Variants in MAF observed in about 807,000 individuals in gnomAD.
MAF encodes MAF bZIP transcription factor.
Under a neutral mutation model 22.0 loss-of-function variants are expected in MAF, and 10 were observed. That is an observed-to-expected ratio of 0.45 (90% CI 0.28 to 0.77). The LOEUF (loss-of-function observed/expected upper bound fraction) is 0.77, where lower values mean the gene tolerates loss of function less well. MAF is among the 30% of genes least tolerant of loss of function. The pLI is 0.12. For synonymous variants in MAF, 337 were observed against 255.8 expected, an observed-to-expected ratio of 1.32 and a Z score of -3.03; for missense variants, 544 against 548.4, an observed-to-expected ratio of 0.99 and a Z score of 0.08.
the MAF span, chr16:79,211,584 T>G: frequency 6.2e-7 from 1 of 1,614,092 alleles, no homozygotes; most frequent in African/African-American, 1.3e-5. Context: ...AAATTTTTTT[T>G]TGTCTTTCTT....
the MAF span, among the ~76,000 whole-genome samples, chr16:79,467,457 C>A: frequency 1.5e-4 from 23 of 152,270 alleles, no homozygotes; most frequent in Non-Finnish European, 3.2e-4. Context: ...TCCCTTATTG[C>A]AGGCAGTGAT....
At chr16:79,535,582 T>A in the MAF span, among the ~76,000 whole-genome samples, 1 of 130,704 alleles carries the variant, frequency 7.7e-6, no homozygotes, top group Non-Finnish European at 1.6e-5. Flanking sequence ...AAGCATTGCT[T>A]CTTCTTTTTT....
chr16:79,439,257 C>CTTTT, the MAF span, among the ~76,000 whole-genome samples: 44 of 130,796 alleles, frequency 3.4e-4, 1 homozygote, highest in African/African-American at 4.4e-4. Flanking sequence ...TAGGTACTTA[C>CTTTT]TTTTTTTTTT....
At chr16:79,469,670 C>G in the MAF span, among the ~76,000 whole-genome samples, 1 of 152,132 alleles carries the variant, frequency 6.6e-6, no homozygotes, top group Non-Finnish European at 1.5e-5. Flanking sequence ...GATCTCAGCT[C>G]ACTGCAACCT....
At chr16:79,579,741 C>T in the MAF span, among the ~76,000 whole-genome samples, 3 of 152,162 alleles carry the variant, frequency 2.0e-5, no homozygotes, top group Non-Finnish European at 4.4e-5. Flanking sequence ...TGAAATCACA[C>T]ACTAGGATCT....
chr16:79,450,715 GGATGGA>G, the MAF span, among the ~76,000 whole-genome samples: 5 of 151,956 alleles, frequency 3.3e-5, no homozygotes, highest in Admixed American at 3.3e-4. Context: ...CTGACAACTC[GGATGGA>G]GATGGAGATG....
chr16:79,477,746 A>G, the MAF span, among the ~76,000 whole-genome samples: 21 of 151,698 alleles, frequency 1.4e-4, no homozygotes. Context: ...TTTTTTTGAT[A>G]TGGAGTCTCG....
At chr16:79,526,718 G>A in the MAF span, among the ~76,000 whole-genome samples, 7 of 152,176 alleles carry the variant, frequency 4.6e-5, no homozygotes, top group East Asian at 1.3e-3. Context: ...CTGATCCGTA[G>A]CATTTGTTCA....
chr16:79,589,287 G>A (rs1913046047), downstream of MAF, among the ~76,000 whole-genome samples: 1 of 152,178 alleles, frequency 6.6e-6, no homozygotes, highest in South Asian at 2.1e-4. Context: ...AAGAATGCAG[G>A]CAGGACCCTC....
chr16:79,437,355 C>T, the MAF span, among the ~76,000 whole-genome samples: 2 of 152,180 alleles, frequency 1.3e-5, no homozygotes, highest in Non-Finnish European at 2.9e-5. Flanking sequence ...ACGTACATTA[C>T]AGGTGTAAGA....
At chr16:79,565,502 G>A in the MAF span, among the ~76,000 whole-genome samples, 1 of 138,900 alleles carries the variant, frequency 7.2e-6, no homozygotes, top group African/African-American at 2.6e-5. Context: ...ATCTTCACGT[G>A]TTGTGGGGGG....
chr16:79,208,740 G>GCCGAAAAGCTGGTGAGCC, the MAF span, among the ~76,000 whole-genome samples: 1 of 151,974 alleles, frequency 6.6e-6, no homozygotes, highest in Non-Finnish European at 1.5e-5. Flanking sequence ...TGATATGTAG[G>GCCGAAAAGCTGGTGAGCC]CCGAAAAGCT....
chr16:79,561,149 G>T, the MAF span, among the ~76,000 whole-genome samples: 3 of 152,042 alleles, frequency 2.0e-5, no homozygotes, highest in African/African-American at 7.3e-5. Flanking sequence ...TGGGCTCATG[G>T]GCACACATTT....
chr16:79,279,031 G>T, the MAF span, among the ~76,000 whole-genome samples: 2 of 152,122 alleles, frequency 1.3e-5, no homozygotes, highest in Admixed American at 6.5e-5. Context: ...ATTTTCTGGG[G>T]GAATATGCTA....
chr16:79,373,233 A>G, the MAF span, among the ~76,000 whole-genome samples: 1 of 152,144 alleles, frequency 6.6e-6, no homozygotes, highest in African/African-American at 2.4e-5. Context: ...TTGAAGCCTA[A>G]TCCCCAATGT....
the MAF span, among the ~76,000 whole-genome samples, chr16:79,236,820 G>A: frequency 2.6e-5 from 4 of 151,784 alleles, no homozygotes; most frequent in African/African-American, 4.8e-5. Flanking sequence ...CATCTCCGAT[G>A]ACTCCAGGCC....
the MAF span, among the ~76,000 whole-genome samples, chr16:79,487,094 A>G: frequency 1.4e-4 from 21 of 152,172 alleles, no homozygotes; most frequent in Admixed American, 1.0e-3. Context: ...CCTCCAAAAC[A>G]CTGTTTTATA....
the MAF span, among the ~76,000 whole-genome samples, chr16:79,541,113 G>C: frequency 6.6e-6 from 1 of 151,968 alleles, no homozygotes; most frequent in Non-Finnish European, 1.5e-5. Flanking sequence ...TGCTGCTACT[G>C]ATATTACCAC....
the MAF span, among the ~76,000 whole-genome samples, chr16:79,547,413 G>T: frequency 6.6e-6 from 1 of 151,828 alleles, no homozygotes; most frequent in African/African-American, 2.4e-5. Context: ...CATACAATCA[G>T]TTAATTGAAA....
Sources: gnomAD v4.1 joint callset for allele counts (sites outside exome capture counted in the v4.1 genomes callset) on GRCh38, gnomAD v4.1.1 for gene constraint, MANE v1.5 for transcripts, NCBI Gene and HGNC (gene_info 2026-07-23, HGNC 2026-07-21) for gene names.